The following WWOX variants were observed in gnomAD, a reference collection of about 807,000 sequenced individuals.
WWOX encodes WW domain-containing oxidoreductase.
Under a neutral mutation model 46.2 loss-of-function variants are expected in WWOX, and 69 were observed. The observed-to-expected ratio is 1.49, with a 90% CI of 1.23 to 1.82. The LOEUF (loss-of-function observed/expected upper bound fraction) is 1.82, where lower values mean the gene tolerates loss of function less well. Among genes scored for constraint, WWOX ranks in the 40% most tolerant of loss-of-function variants. The probability of loss-of-function intolerance (pLI) is 0.00; values close to 1 mark genes in which losing one functional copy is unlikely to be tolerated. For missense variants in WWOX, 919 were observed against 542.6 expected, an observed-to-expected ratio of 1.69 and a Z score of -6.89; for synonymous variants, 359 against 202.6, an observed-to-expected ratio of 1.77 and a Z score of -6.56.
rs148219005 is a variant in WWOX at position 78,603,842 on chromosome 16, C to T, written c.1056+171090C>T. Among the ~76,000 whole-genome samples the T allele has an allele frequency of 1.7e-4, 26 of 152,280 alleles. No homozygotes were observed. The East Asian group carries it at 4.4e-3, about 26-fold the overall frequency. On this transcript the variant is annotated intron_variant, in intron 8 of 8. Coordinates refer to ENST00000566780, the MANE Select transcript of WWOX (RefSeq NM_016373.4). Reference sequence around the variant, plus strand: ...CCATCTGACTCAGTGTCAGTAGACTCTCTCAAAAATTAGAAGCTGGCTGAC... The same window carrying T: ...CCATCTGACTCAGTGTCAGTAGACTTTCTCAAAAATTAGAAGCTGGCTGAC...
chr16:79,053,126 G>A (rs2048200972), intron 8 of WWOX, among the ~76,000 whole-genome samples: 1 of 151,986 alleles, frequency 6.6e-6, no homozygotes, highest in African/African-American at 2.4e-5. Context: ...CAATATTAGA[G>A]GTAAAACATG....
Position 79,147,895 on chromosome 16 carries a change from A to T in WWOX, c.1057-63713A>T, listed in dbSNP as rs539090848. 5.3e-5 allele frequency among the ~76,000 whole-genome samples: 8 copies of T among 152,090 alleles called. No individual in the cohort carries two copies. In the East Asian group the frequency reaches 9.7e-4, roughly 18 times the overall value. On this transcript the variant is annotated intron_variant, in intron 8 of 8. Transcript: ENST00000566780. ...TATCCTCTTCGGTGAAATGTCTATT[A>T]ATGTTTTTTTCTCATTTTCTATTTG...
intron 8 of WWOX, among the ~76,000 whole-genome samples, chr16:78,962,324 TTTAAA>T (rs1488656981): frequency 6.4e-5 from 6 of 93,924 alleles, no homozygotes; most frequent in African/African-American, 2.0e-4. Context: ...TTTTTTTTTT[TTTAAA>T]AAAAAAAAAA....
chr16:78,635,802 A>C (rs1160716931), intron 8 of WWOX, among the ~76,000 whole-genome samples: 1 of 152,194 alleles, frequency 6.6e-6, no homozygotes, highest in Non-Finnish European at 1.5e-5. Context: ...AAAAACAGCT[A>C]GTGGAAGGCG....
intron 8 of WWOX, among the ~76,000 whole-genome samples, chr16:78,869,257 C>A (rs1362422877): frequency 6.6e-6 from 1 of 152,110 alleles, no homozygotes; most frequent in South Asian, 2.1e-4. Flanking sequence ...TGTCACCCTG[C>A]TGGAAATGAA....
intron 5 of WWOX, among the ~76,000 whole-genome samples, chr16:78,182,831 G>C (rs1567616757): frequency 6.6e-6 from 1 of 151,790 alleles, no homozygotes; most frequent in African/African-American, 2.4e-5. Context: ...GGTACCTGTA[G>C]TGCCAGCTGC....
intron 5 of WWOX, among the ~76,000 whole-genome samples, chr16:78,223,038 G>T (rs1243130763): frequency 6.6e-6 from 1 of 152,180 alleles, no homozygotes; most frequent in Non-Finnish European, 1.5e-5. Context: ...TCTGGTTGAA[G>T]CTCTGGCATG....
At chr16:79,002,752 T>A (rs1380712454) in intron 8 of WWOX, among the ~76,000 whole-genome samples, 1 of 152,106 alleles carries the variant, frequency 6.6e-6, no homozygotes, top group Non-Finnish European at 1.5e-5. Context: ...TCACCCGGGT[T>A]CTCCCTGTCT....
At chr16:79,121,744 A>G (rs183457160) in intron 8 of WWOX, among the ~76,000 whole-genome samples, 1 of 152,320 alleles carries the variant, frequency 6.6e-6, no homozygotes, top group East Asian at 1.9e-4. Context: ...AGTCTGAGAT[A>G]GATTCAATTG....
chr16:79,022,925 A>G (rs532545998), intron 8 of WWOX, among the ~76,000 whole-genome samples: 1 of 152,348 alleles, frequency 6.6e-6, no homozygotes, highest in South Asian at 2.1e-4. Flanking sequence ...ACTCAGCTGA[A>G]AAATGCATCT....
chr16:78,159,279 A>G (rs980421937), intron 4 of WWOX, among the ~76,000 whole-genome samples: 1 of 152,142 alleles, frequency 6.6e-6, no homozygotes, highest in African/African-American at 2.4e-5. Flanking sequence ...GAGGGCAGAC[A>G]TATTGTTGTG....
chr16:79,122,038 C>G (rs1448356299), intron 8 of WWOX, among the ~76,000 whole-genome samples: 1 of 152,130 alleles, frequency 6.6e-6, no homozygotes, highest in African/African-American at 2.4e-5. Flanking sequence ...CCTTACAACC[C>G]TGATGGGTCC....
At chr16:78,968,368 T>G (rs1445407025) in intron 8 of WWOX, among the ~76,000 whole-genome samples, 2 of 152,158 alleles carry the variant, frequency 1.3e-5, no homozygotes, top group African/African-American at 2.4e-5. Flanking sequence ...GGCCATTTTG[T>G]GTAGATGGAG....
At chr16:78,449,651 T>C (rs2083643858) in intron 8 of WWOX, among the ~76,000 whole-genome samples, 1 of 152,176 alleles carries the variant, frequency 6.6e-6, no homozygotes, top group South Asian at 2.1e-4. Flanking sequence ...AGGCACCAAA[T>C]GCACCCATTT....
chr16:78,365,582 C>T (rs564301732), intron 5 of WWOX, among the ~76,000 whole-genome samples: 1 of 152,164 alleles, frequency 6.6e-6, no homozygotes, highest in Non-Finnish European at 1.5e-5. Flanking sequence ...TTCCCTGAAT[C>T]ATAGTGTTGC....
chr16:78,769,517 A>T (rs945431746), intron 8 of WWOX, among the ~76,000 whole-genome samples: 4 of 41,160 alleles, frequency 9.7e-5, no homozygotes, highest in Admixed American at 4.6e-4. Flanking sequence ...AATCCCTCCC[A>T]CCCACCCCCC....
intron 5 of WWOX, among the ~76,000 whole-genome samples, chr16:78,363,532 G>A (rs1180971386): frequency 6.6e-6 from 1 of 152,036 alleles, no homozygotes; most frequent in East Asian, 1.9e-4. Flanking sequence ...TCCCAGCTTG[G>A]CCTCCCAAAG....
At chr16:78,355,140 AG>A (rs1191557711) in intron 5 of WWOX, among the ~76,000 whole-genome samples, 2 of 152,124 alleles carry the variant, frequency 1.3e-5, no homozygotes, top group South Asian at 2.1e-4. Context: ...TCAAAAGAAA[AG>A]AAAAGTAGAG....
At chr16:79,020,568 A>G (rs1326898775) in intron 8 of WWOX, among the ~76,000 whole-genome samples, 2 of 152,228 alleles carry the variant, frequency 1.3e-5, no homozygotes, top group Admixed American at 6.5e-5. Context: ...AATGTTTGCT[A>G]TTATTGTCAT....
Sources: allele counts gnomAD v4.1 joint callset (sites outside exome capture counted in the v4.1 genomes callset), GRCh38; gene constraint gnomAD v4.1.1; transcripts MANE v1.5; gene names NCBI Gene and HGNC (gene_info 2026-07-23, HGNC 2026-07-21).